Variants in ZC3H8 observed in about 807,000 individuals in gnomAD.
ZC3H8 encodes the protein zinc finger CCCH-type containing 8.
ZC3H8 carries 27 observed loss-of-function variants against 42.5 expected under a neutral mutation model. The observed-to-expected ratio is 0.64, with a 90% CI of 0.47 to 0.88. The LOEUF is 0.88. Among genes scored for constraint, ZC3H8 ranks in the 40% least tolerant of loss-of-function variants. The probability of loss-of-function intolerance (pLI) is 0.00; values close to 1 mark genes in which losing one functional copy is unlikely to be tolerated. For missense variants in ZC3H8, 277 were observed against 336.1 expected, an observed-to-expected ratio of 0.82 and a Z score of 1.37; for synonymous variants, 101 against 110.1, an observed-to-expected ratio of 0.92 and a Z score of 0.52.
chr2:112,246,951 T>A (rs2104668705), intron 2 of ZC3H8, among the ~76,000 whole-genome samples: 1 of 152,348 alleles, frequency 6.6e-6, no homozygotes, highest in South Asian at 2.1e-4. Flanking sequence ...GCCACCTCAG[T>A]GTTTAGCAGT....
At chr2:112,243,703 TACATA>T (rs1162871412) in intron 2 of ZC3H8, among the ~76,000 whole-genome samples, 10 of 152,138 alleles carry the variant, frequency 6.6e-5, no homozygotes, top group South Asian at 2.1e-4. Context: ...TATAAATACG[TACATA>T]ACATCCTCAA....
intron 8 of ZC3H8, among the ~76,000 whole-genome samples, chr2:112,218,818 G>A (rs1423214191): frequency 6.6e-6 from 1 of 152,120 alleles, no homozygotes; most frequent in Non-Finnish European, 1.5e-5. Flanking sequence ...ATCTATATAT[G>A]CAGATTTTAC....
chr2:112,232,314 CAA>C (rs34453808), intron 6 of ZC3H8, among the ~76,000 whole-genome samples: 3 of 71,596 alleles, frequency 4.2e-5, no homozygotes, highest in East Asian at 4.2e-4. Context: ...GATAATGTCT[CAA>C]AAAAAAAAAA....
chr2:112,217,903 T>C lies in ZC3H8; in HGVS notation c.*16-1435A>G, dbSNP rs1197714677. On this transcript the variant is annotated intron_variant, in intron 8 of 8. Transcript: ENST00000409573. ...GTTTCTTTGTTTGGGTTTGTGTTTG[T>C]ATGTGTGTCTGGTTTCTTGTGTTTT... 2.0e-5 allele frequency among the ~76,000 whole-genome samples: 3 copies of C among 152,162 alleles called. No homozygotes were observed. In the East Asian group the frequency reaches 5.8e-4, roughly 29 times the overall value.
chr2:112,244,921 A>G (rs1316648075), intron 2 of ZC3H8, among the ~76,000 whole-genome samples: 1 of 152,188 alleles, frequency 6.6e-6, no homozygotes, highest in Admixed American at 6.5e-5. Flanking sequence ...TAACCCTACA[A>G]TGGCTTCTAA....
chr2:112,233,264 C>A lies in ZC3H8; in HGVS notation c.729G>T (p.Leu243Phe). 1.9e-6 allele frequency: 3 copies of A among 1,562,436 alleles called. No individual in the cohort carries two copies. The highest frequency in any genetic ancestry group is 1.2e-5 in the South Asian group (1 of 84,090). ...YCTRGENCLYLHNEYPCKFYH... is the reference protein window; with the variant it reads ...YCTRGENCLYFHNEYPCKFYH... ...ATATCTTGTGATAAAGGATATTATG[C>A]AAATACAGACAGTTTTCACCTCTGG... The change falls in exon 6 of 9, where the codon TTG (leucine) becomes TTT (phenylalanine). Residue 243 changes from leucine to phenylalanine, a missense_variant. By Grantham distance (22) the Leu-to-Phe change is conservative. Coordinates refer to ENST00000409573, the MANE Select transcript of ZC3H8 (RefSeq NM_032494.3).
chr2:112,252,449 G>A (rs1391862943), intron 1 of ZC3H8, among the ~76,000 whole-genome samples: 1 of 152,110 alleles, frequency 6.6e-6, no homozygotes, highest in Non-Finnish European at 1.5e-5. Flanking sequence ...AAGCTGCTCT[G>A]GCACCCCTAC....
intron 2 of ZC3H8, among the ~76,000 whole-genome samples, chr2:112,246,701 A>G (rs2104668551): frequency 6.6e-6 from 1 of 152,346 alleles, no homozygotes; most frequent in Non-Finnish European, 1.5e-5. Context: ...TTGAGATGCA[A>G]TCTATTTCTG....
chr2:112,231,299 A>G (rs967662756), intron 7 of ZC3H8, among the ~76,000 whole-genome samples: 1 of 152,162 alleles, frequency 6.6e-6, no homozygotes, highest in African/African-American at 2.4e-5. Flanking sequence ...GCTTCAAAAG[A>G]ATCTTTTAAA....
At chr2:112,222,863 T>C (rs1684649651) in intron 8 of ZC3H8, among the ~76,000 whole-genome samples, 1 of 152,210 alleles carries the variant, frequency 6.6e-6, no homozygotes, top group African/African-American at 2.4e-5. Flanking sequence ...GTGGTAATGG[T>C]TTCAAAACTA....
At chr2:112,222,265 T>C (rs1163777342) in intron 8 of ZC3H8, among the ~76,000 whole-genome samples, 1 of 152,172 alleles carries the variant, frequency 6.6e-6, no homozygotes, top group Non-Finnish European at 1.5e-5. Context: ...CCTAATCTGT[T>C]GTTGTCTGTT....
intron 4 of ZC3H8, among the ~76,000 whole-genome samples, chr2:112,235,765 A>G (rs1685291284): frequency 6.6e-6 from 1 of 151,996 alleles, no homozygotes; most frequent in South Asian, 2.1e-4. Context: ...GAGTGGGGAG[A>G]TTCAGTAAGG....
intron 1 of ZC3H8, among the ~76,000 whole-genome samples, chr2:112,251,412 T>C (rs1296800175): frequency 6.6e-6 from 1 of 152,200 alleles, no homozygotes. Flanking sequence ...GAAGCCACCA[T>C]TACAAGAACC....
chr2:112,232,138 C>T (rs1371736273), intron 6 of ZC3H8, among the ~76,000 whole-genome samples, 191 bp from the exon 7 acceptor site: 2 of 152,014 alleles, frequency 1.3e-5, no homozygotes, highest in Non-Finnish European at 2.9e-5. Context: ...GGCGAAACCT[C>T]GCCTTTACTA....
chr2:112,222,506 T>TATGCTAA (rs1341505466), intron 8 of ZC3H8, among the ~76,000 whole-genome samples: 1 of 152,170 alleles, frequency 6.6e-6, no homozygotes, highest in African/African-American at 2.4e-5. Context: ...TTGAGGACAT[T>TATGCTAA]ATGCTAAATG....
intron 4 of ZC3H8, 116 bp from the exon 5 acceptor site, chr2:112,234,352 T>G: frequency 1.4e-6 from 1 of 739,094 alleles, no homozygotes; most frequent in East Asian, 3.0e-5. Context: ...TCTTCTAAAT[T>G]GGCCTTCATA....
chr2:112,235,209 ACAGT>A (rs1685267289), intron 4 of ZC3H8, among the ~76,000 whole-genome samples: 2 of 152,238 alleles, frequency 1.3e-5, no homozygotes, highest in South Asian at 4.1e-4. Context: ...AGCTGACTGT[ACAGT>A]CATTTATAAT....
At chr2:112,218,609 A>G (rs1684434153) in intron 8 of ZC3H8, among the ~76,000 whole-genome samples, 1 of 152,194 alleles carries the variant, frequency 6.6e-6, no homozygotes, top group Non-Finnish European at 1.5e-5. Context: ...AACTGTATGA[A>G]TCCACTTATA....
At chr2:112,235,478 A>C (rs1416380874) in intron 4 of ZC3H8, among the ~76,000 whole-genome samples, 1 of 152,188 alleles carries the variant, frequency 6.6e-6, no homozygotes, top group African/African-American at 2.4e-5. Context: ...TAATTACCTG[A>C]ACCACAGGGC....
Sources: allele counts gnomAD v4.1 joint callset (sites outside exome capture counted in the v4.1 genomes callset), GRCh38; gene constraint gnomAD v4.1.1; transcripts MANE v1.5; gene names NCBI Gene and HGNC (gene_info 2026-07-23, HGNC 2026-07-21).